Variants in CPNE4 observed in about 807,000 individuals in gnomAD.
The protein encoded by CPNE4 is copine 4, also known as copine-4.
CPNE4 carries 25 observed loss-of-function variants against 67.9 expected under a neutral mutation model. That is an observed-to-expected ratio of 0.37 (90% CI 0.27 to 0.51). The LOEUF is 0.51. CPNE4 is among the 20% of genes least tolerant of loss of function. The pLI, the probability that CPNE4 is intolerant of heterozygous loss-of-function variation, is 0.93. For missense variants in CPNE4, 464 were observed against 690.8 expected, an observed-to-expected ratio of 0.67 and a Z score of 3.68; for synonymous variants, 242 against 244.9, an observed-to-expected ratio of 0.99 and a Z score of 0.11.
At chr3:131,879,998 T>TA (rs913857692) in intron 2 of CPNE4, among the ~76,000 whole-genome samples, 5 of 152,182 alleles carry the variant, frequency 3.3e-5, no homozygotes, top group South Asian at 2.1e-4. Context: ...CCCAAACCTT[T>TA]AAAAAAACAT....
chr3:131,954,041 A>C (rs2107898708), intron 1 of CPNE4, among the ~76,000 whole-genome samples: 1 of 152,348 alleles, frequency 6.6e-6, no homozygotes, highest in African/African-American at 2.4e-5. Flanking sequence ...TAAATAAGAA[A>C]GACAGCAGCT....
rs139586342 is a variant in CPNE4, at chr3:132,029,242, G to T, written c.-2+5325C>A. Among the ~76,000 whole-genome samples the T allele has an allele frequency of 1.4e-4, 21 of 152,308 alleles. No individual in the cohort carries two copies. The East Asian group carries it at 3.7e-3, about 27-fold the overall frequency. ...TCACGAGGAGTTTTGAGAGTAGTCA[G>T]ACTGTCCAGCCGCGGAGCAACCTAA... On this transcript the variant is annotated intron_variant, in intron 1 of 15. Coordinates refer to ENST00000429747, the MANE Select transcript of CPNE4 (RefSeq NM_130808.3).
At chr3:131,972,612 A>G (rs570565545) in intron 1 of CPNE4, among the ~76,000 whole-genome samples, 1 of 152,310 alleles carries the variant, frequency 6.6e-6, no homozygotes, top group East Asian at 1.9e-4. Context: ...TAAAAAACCC[A>G]TTCCTACAGC....
At chr3:131,784,608 C>A (rs2083508439) in intron 2 of CPNE4, among the ~76,000 whole-genome samples, 1 of 152,122 alleles carries the variant, frequency 6.6e-6, no homozygotes, top group Non-Finnish European at 1.5e-5. Context: ...AGGGAAAATT[C>A]TGAGGTGCAT....
chr3:131,604,009 C>A (rs1939359425), intron 7 of CPNE4, among the ~76,000 whole-genome samples: 2 of 152,120 alleles, frequency 1.3e-5, no homozygotes, highest in African/African-American at 4.8e-5. Flanking sequence ...TTACTGGTGT[C>A]ATTCCATCTA....
intron 3 of CPNE4, among the ~76,000 whole-genome samples, chr3:131,701,281 T>G (rs116307592): frequency 0.026 from 4,016 of 152,174 alleles, 90 homozygotes; most frequent in Non-Finnish European, 0.036. Flanking sequence ...GCTACACTCA[T>G]GCTTAGAGGG....
chr3:131,723,610 C>T lies in CPNE4; in HGVS notation c.196G>A (p.Val66Met). 6.2e-7 allele frequency: 1 copy of T among 1,611,848 alleles called. No individual in the cohort carries two copies. Among genetic ancestry groups the T allele is most frequent in the Non-Finnish European group, 8.5e-7 (1 of 1,178,996 alleles). The change falls in exon 3 of 16, where the codon GTG becomes ATG. Residue 66 changes from valine (V) to methionine (M), a missense_variant. By Grantham distance (21) the Val-to-Met change is conservative. Transcript: ENST00000429747. ...GQWFEVDRTE[V>M]IRTCINPVYS... ...ACTGGGTTTATGCAGGTGCGAATCACCTCAGTCCTGTCAACCTGCAAGGAG... is the reference window on the plus strand; with the variant it reads ...ACTGGGTTTATGCAGGTGCGAATCATCTCAGTCCTGTCAACCTGCAAGGAG...
At chr3:131,546,471 G>A (rs1225928834) in intron 14 of CPNE4, among the ~76,000 whole-genome samples, 1 of 152,106 alleles carries the variant, frequency 6.6e-6, no homozygotes, top group Non-Finnish European at 1.5e-5. Flanking sequence ...TGCCAAAGAT[G>A]TTCAAGTTTA....
chr3:131,713,897 A>G (rs2081618947), intron 3 of CPNE4, among the ~76,000 whole-genome samples: 1 of 126,924 alleles, frequency 7.9e-6, no homozygotes, highest in South Asian at 2.4e-4. Flanking sequence ...AGACAGCAGT[A>G]AAAAAAAAAA....
At chr3:131,969,061 A>G (rs889533117) in intron 1 of CPNE4, among the ~76,000 whole-genome samples, 4 of 151,600 alleles carry the variant, frequency 2.6e-5, no homozygotes, top group African/African-American at 9.7e-5. Context: ...TTGCAGGGAC[A>G]TGGATGAAGC....
chr3:131,604,927 T>C (rs1199487300), intron 7 of CPNE4, among the ~76,000 whole-genome samples: 1 of 152,136 alleles, frequency 6.6e-6, no homozygotes, highest in Non-Finnish European at 1.5e-5. Context: ...AAGAAGTACA[T>C]ACCTTTTGTC....
intron 5 of CPNE4, among the ~76,000 whole-genome samples, chr3:131,688,704 T>C (rs2080956515): frequency 6.6e-6 from 1 of 152,144 alleles, no homozygotes; most frequent in Non-Finnish European, 1.5e-5. Context: ...ATTTAAAACT[T>C]TTGTTACCAT....
At chr3:131,897,935 T>C (rs1174353255) in intron 2 of CPNE4, among the ~76,000 whole-genome samples, 1 of 151,796 alleles carries the variant, frequency 6.6e-6, no homozygotes, top group East Asian at 1.9e-4. Flanking sequence ...AAATAAAATA[T>C]AGATGAGCCC....
chr3:131,597,594 A>G (rs566921084), intron 7 of CPNE4, among the ~76,000 whole-genome samples: 64 of 152,316 alleles, frequency 4.2e-4, no homozygotes, highest in African/African-American at 1.5e-3. Context: ...CACATAACGT[A>G]ACTGCTGCTG....
At chr3:132,034,422 A>T in intron 1 of CPNE4, 145 bp downstream of exon 1, 1 of 223,630 alleles carries the variant, frequency 4.5e-6, no homozygotes, top group Non-Finnish European at 7.5e-6. Context: ...GCTGCTTTTT[A>T]AAACAACAAC....
chr3:131,692,055 A>G (rs577000514), intron 5 of CPNE4, among the ~76,000 whole-genome samples: 16 of 152,322 alleles, frequency 1.1e-4, no homozygotes, highest in Admixed American at 2.6e-4. Context: ...AAATTCTTTA[A>G]TAACACAGAG....
At chr3:132,027,569 A>C (rs1025988517) in intron 1 of CPNE4, among the ~76,000 whole-genome samples, 2 of 152,122 alleles carry the variant, frequency 1.3e-5, no homozygotes, top group Admixed American at 1.3e-4. Flanking sequence ...GCCACCAAGC[A>C]AAAGAAATCT....
At chr3:131,606,678 A>G (rs952432243) in intron 7 of CPNE4, among the ~76,000 whole-genome samples, 3 of 152,104 alleles carry the variant, frequency 2.0e-5, no homozygotes, top group Non-Finnish European at 2.9e-5. Flanking sequence ...GGATTCTCTC[A>G]GTCTTGGCTC....
At chr3:132,039,213 A>G (rs932185446), upstream of CPNE4, among the ~76,000 whole-genome samples, 1 of 152,306 alleles carries the variant, frequency 6.6e-6, no homozygotes, top group East Asian at 1.9e-4. Context: ...AGTTTCTGTG[A>G]GAGTTTTCAA....
Sources: allele counts gnomAD v4.1 joint callset (sites outside exome capture counted in the v4.1 genomes callset), GRCh38; gene constraint gnomAD v4.1.1; transcripts MANE v1.5; gene names NCBI Gene and HGNC (gene_info 2026-07-23, HGNC 2026-07-21).